The following CSMD3 variants were observed in gnomAD, a reference collection of about 807,000 sequenced individuals.
CSMD3 encodes CUB and Sushi multiple domains 3, also known as CUB and sushi domain-containing protein 3.
Under a neutral mutation model 435.2 loss-of-function variants are expected in CSMD3, and 177 were observed. The ratio of observed to expected loss-of-function variants is 0.41; its 90% confidence interval spans 0.36 to 0.46. CSMD3 has a LOEUF of 0.46. Ranked by LOEUF, CSMD3 falls within the 20% of genes least tolerant of loss-of-function variation. The probability of loss-of-function intolerance (pLI) is 0.34; values close to 1 mark genes in which losing one functional copy is unlikely to be tolerated. For synonymous variants in CSMD3, 1,656 were observed against 1,520.5 expected, an observed-to-expected ratio of 1.09 and a Z score of -2.07; for missense variants, 4,265 against 4,504.6, an observed-to-expected ratio of 0.95 and a Z score of 1.52.
At chr8:112,633,559 T>C (rs760718383) in intron 22 of CSMD3, among the ~76,000 whole-genome samples, 1 of 152,112 alleles carries the variant, frequency 6.6e-6, no homozygotes, top group East Asian at 1.9e-4. Flanking sequence ...ATGGTATTAT[T>C]ACATTTTAAT....
intron 5 of CSMD3, among the ~76,000 whole-genome samples, chr8:113,026,077 T>C (rs1466914390): frequency 6.6e-6 from 1 of 152,204 alleles, no homozygotes; most frequent in Admixed American, 6.5e-5. Flanking sequence ...CTCCTCACTC[T>C]GGAGCAATGC....
chr8:112,933,299 G>A (rs191085641), intron 9 of CSMD3, among the ~76,000 whole-genome samples: 90 of 152,212 alleles, frequency 5.9e-4, no homozygotes, highest in African/African-American at 1.8e-3. Context: ...AGCCCCAAGC[G>A]TTCTATAATG....
At chr8:113,005,495 A>T (rs1271009400) in intron 6 of CSMD3, among the ~76,000 whole-genome samples, 1 of 152,026 alleles carries the variant, frequency 6.6e-6, no homozygotes, top group Non-Finnish European at 1.5e-5. Flanking sequence ...CTTAAAAAAA[A>T]TGTAACATCA....
Position 112,289,546 on chromosome 8 carries a change from A to G in CSMD3, c.8975-8T>C. On this transcript the variant is annotated splice_polypyrimidine_tract_variant and splice_region_variant and intron_variant, in intron 56 of 70. Coordinates refer to ENST00000297405, the MANE Select transcript of CSMD3 (RefSeq NM_198123.2). ...GGTGTCCACAGTCAATCACTACAAT[A>G]CATAATTATTAAATATAAAATTTTT... 3.2e-6 allele frequency: 5 copies of G among 1,570,778 alleles called. No homozygotes were observed. Among genetic ancestry groups the G allele is most frequent in the Non-Finnish European group, 4.3e-6 (5 of 1,152,990 alleles).
intron 3 of CSMD3, among the ~76,000 whole-genome samples, chr8:113,263,350 A>G (rs916880498): frequency 6.6e-6 from 1 of 152,078 alleles, no homozygotes; most frequent in Non-Finnish European, 1.5e-5. Flanking sequence ...TTAAATAAAA[A>G]GAACAATAAC....
rs554070047 is a variant in CSMD3, at chr8:113,420,307, G to A, written c.178+16370C>T. Among the ~76,000 whole-genome samples the A allele has an allele frequency of 7.0e-4, 107 of 152,104 alleles. 2 individuals are homozygous for A. The South Asian group carries it at 0.021, about 30-fold the overall frequency. On this transcript the variant is annotated intron_variant, in intron 1 of 70. Transcript: ENST00000297405. Reference sequence around the variant, plus strand: ...GAATTCTCATATGCACTTACTAAATGAAGGAGGAGATTCAGAACCAAAACA... The same window carrying A: ...GAATTCTCATATGCACTTACTAAATAAAGGAGGAGATTCAGAACCAAAACA...
chr8:112,730,704 T>C (rs559111924), intron 13 of CSMD3, among the ~76,000 whole-genome samples: 1 of 152,246 alleles, frequency 6.6e-6, no homozygotes, highest in Admixed American at 6.6e-5. Context: ...AACCTGACTG[T>C]GTACCTGCTT....
intron 13 of CSMD3, among the ~76,000 whole-genome samples, chr8:112,711,588 G>C (rs996498242): frequency 3.3e-5 from 5 of 151,898 alleles, no homozygotes; most frequent in African/African-American, 1.2e-4. Context: ...CTCAAAGCTA[G>C]GCTTCATTAA....
At chr8:113,385,700 G>T (rs1035565474) in intron 1 of CSMD3, among the ~76,000 whole-genome samples, 1 of 152,056 alleles carries the variant, frequency 6.6e-6, no homozygotes, top group African/African-American at 2.4e-5. Flanking sequence ...CTATGGAAGA[G>T]GGTAAAATCT....
At chr8:112,484,335 T>A (rs1208008203) in intron 31 of CSMD3, among the ~76,000 whole-genome samples, 1 of 152,214 alleles carries the variant, frequency 6.6e-6, no homozygotes, top group African/African-American at 2.4e-5. Context: ...TTTTTTATAC[T>A]GCATTATAAT....
chr8:113,300,162 C>CAAAAAAAAA (rs34291122), intron 2 of CSMD3, among the ~76,000 whole-genome samples: 2 of 116,604 alleles, frequency 1.7e-5, no homozygotes, highest in East Asian at 2.5e-4. Flanking sequence ...TCAAAAAAGT[C>CAAAAAAAAA]AAAAAAAAAA....
intron 7 of CSMD3, 68 bp downstream of exon 7, chr8:112,975,769 T>G: frequency 6.2e-7 from 1 of 1,609,380 alleles, no homozygotes; most frequent in Admixed American, 1.7e-5. Flanking sequence ...CATTCTCTAA[T>G]TAGAATCATT....
intron 2 of CSMD3, among the ~76,000 whole-genome samples, chr8:113,284,914 A>G (rs2132493396): frequency 6.6e-6 from 1 of 152,302 alleles, no homozygotes; most frequent in Admixed American, 6.5e-5. Flanking sequence ...TTTGACTCAC[A>G]GTTGAAGAAA....
chr8:113,118,375 G>A (rs1269588372), intron 4 of CSMD3, among the ~76,000 whole-genome samples: 1 of 152,160 alleles, frequency 6.6e-6, no homozygotes, highest in Admixed American at 6.6e-5. Flanking sequence ...ATTTATTTGA[G>A]AGGCAGTAAT....
At chr8:112,368,945 G>T (rs533944826) in intron 38 of CSMD3, among the ~76,000 whole-genome samples, 3 of 152,120 alleles carry the variant, frequency 2.0e-5, no homozygotes, top group African/African-American at 7.2e-5. Context: ...ACTTGAAAAT[G>T]TTAGCTTTTT....
intron 12 of CSMD3, among the ~76,000 whole-genome samples, chr8:112,827,708 T>C (rs2079739619): frequency 2.0e-5 from 3 of 152,174 alleles, no homozygotes; most frequent in Non-Finnish European, 2.9e-5. Context: ...AATGAATAAA[T>C]TGATAAAGAA....
chr8:112,373,320 G>T (rs940093911), intron 38 of CSMD3, among the ~76,000 whole-genome samples: 3 of 151,990 alleles, frequency 2.0e-5, no homozygotes, highest in African/African-American at 7.2e-5. Flanking sequence ...TCAGTGGGCA[G>T]AACTTTTATC....
At chr8:112,651,892 C>T (rs921666789) in intron 18 of CSMD3, among the ~76,000 whole-genome samples, 1 of 152,032 alleles carries the variant, frequency 6.6e-6, no homozygotes, top group Non-Finnish European at 1.5e-5. Context: ...TTTTCCTCCA[C>T]AAAATATGTC....
intron 22 of CSMD3, among the ~76,000 whole-genome samples, chr8:112,592,589 G>C (rs1166634397): frequency 6.6e-6 from 1 of 151,830 alleles, no homozygotes; most frequent in Non-Finnish European, 1.5e-5. Flanking sequence ...TTATATTTTT[G>C]TGTGTGAATT....
Sources: gnomAD v4.1 joint callset for allele counts (sites outside exome capture counted in the v4.1 genomes callset) on GRCh38, gnomAD v4.1.1 for gene constraint, MANE v1.5 for transcripts, NCBI Gene and HGNC (gene_info 2026-07-23, HGNC 2026-07-21) for gene names.